GNA11: variants seen among roughly 807,000 people sequenced by gnomAD.
The protein encoded by GNA11 is guanine nucleotide-binding protein subunit alpha-11.
Under a neutral mutation model 38.2 loss-of-function variants are expected in GNA11, and 8 were observed. The ratio of observed to expected loss-of-function variants is 0.21; its 90% CI spans 0.12 to 0.38. The LOEUF is 0.38. Among genes scored for constraint, GNA11 ranks in the 10% least tolerant of loss-of-function variants. GNA11 has a pLI of 1.00. For synonymous variants in GNA11, 211 were observed against 221.4 expected (o/e 0.95, Z 0.42); for missense variants, 268 against 516.3 (o/e 0.52, Z 4.66).
intron 3 of GNA11, among the ~76,000 whole-genome samples, chr19:3,113,731 T>C (rs1913838544): frequency 6.6e-6 from 1 of 152,198 alleles, no homozygotes; most frequent in South Asian, 2.1e-4. Flanking sequence ...GCCCTGCCGC[T>C]GCCCTCCCTG....
In GNA11 at chr19:3,098,322, G is replaced by A. The variant is rs529304927; in HGVS notation, c.136+3535G>A. 3.3e-5 allele frequency among the ~76,000 whole-genome samples: 5 copies of A among 152,382 alleles called. No individual in the cohort carries two copies. In the South Asian group the frequency reaches 8.3e-4, roughly 25 times the overall value. On this transcript the variant is annotated intron_variant, in intron 1 of 6. Coordinates refer to ENST00000078429, the MANE Select transcript of GNA11 (RefSeq NM_002067.5). ...CCGCCGCCATCCTGGGGTCCGCCCT[G>A]TGGCCTGGAGAGCTCTTGCAGGCCC...
chr19:3,111,917 C>T (rs1215930843), intron 2 of GNA11, among the ~76,000 whole-genome samples: 2 of 152,250 alleles, frequency 1.3e-5, no homozygotes, highest in African/African-American at 4.8e-5. Context: ...CTTGCCCTGT[C>T]TCCCGCTGTG....
At chr19:3,111,071 G>A (rs917067609) in intron 2 of GNA11, among the ~76,000 whole-genome samples, 1 of 152,106 alleles carries the variant, frequency 6.6e-6, no homozygotes, top group Middle Eastern at 3.4e-3. Flanking sequence ...TGGGATTACA[G>A]GTATGAGCCA....
rs888975051 is a variant in GNA11 at position 3,102,795 on chromosome 19, G to T, written c.137-7354G>T. 2.6e-5 allele frequency among the ~76,000 whole-genome samples: 4 copies of T among 152,230 alleles called. No homozygotes were observed. The East Asian group carries it at 7.7e-4, about 29-fold the overall frequency. On this transcript the variant is annotated intron_variant, in intron 1 of 6. Transcript: ENST00000078429. ...CCTCGGGCCCCTGCGTCAGGTTGGT[G>T]CCTGGCTCTGACCCCACACCCACCA...
intron 4 of GNA11, chr19:3,118,012 T>C (rs1478314183): frequency 6.6e-6 from 1 of 152,200 alleles, no homozygotes; most frequent in Non-Finnish European, 1.5e-5. Context: ...CAGCTGCTGG[T>C]GCGGGCCCTC....
chr19:3,104,158 G>C (rs308051), intron 1 of GNA11, among the ~76,000 whole-genome samples: 133,508 of 152,342 alleles, frequency 0.88, 58,631 homozygotes, highest in African/African-American at 0.92. Flanking sequence ...AGCTCCTGCT[G>C]TCAGGGCTGC....
intron 1 of GNA11, among the ~76,000 whole-genome samples, chr19:3,107,975 G>A (rs576395749): frequency 2.6e-5 from 4 of 152,324 alleles, no homozygotes; most frequent in African/African-American, 9.6e-5. Context: ...TTGACCTTTT[G>A]TGGATGAGGT....
Position 3,098,901 on chromosome 19 carries a change from G to C in GNA11, c.136+4114G>C, listed in dbSNP as rs1177344457. On this transcript the variant is annotated intron_variant, in intron 1 of 6. Transcript: ENST00000078429. ...GCTCTCACGTCCTTTGTGTTTACAT[G>C]TAATCAGTTATGATGATTGTGGCTG... is the stretch of plus-strand genomic sequence containing the variant. 2.6e-5 allele frequency among the ~76,000 whole-genome samples: 4 copies of C among 152,218 alleles called. No homozygotes were observed. In the East Asian group the frequency reaches 7.7e-4, roughly 29 times the overall value.
chr19:3,099,950 C>T (rs939490976), intron 1 of GNA11, among the ~76,000 whole-genome samples: 4 of 151,876 alleles, frequency 2.6e-5, no homozygotes, highest in Non-Finnish European at 2.9e-5. Context: ...CCTCAGGGGG[C>T]GGTGGGGTGA....
rs1247287745 is a variant in GNA11 at position 3,119,562 on chromosome 19, G to T, written c.889+203G>T. On this transcript the variant is annotated intron_variant, in intron 6 of 6. Transcript: ENST00000078429. This position sits in a 1 kb window ranked among gnomAD's most constrained non-coding sequence, Gnocchi z 4.6. ...TACGGGAATGAGTTCTCCGACGCGG[G>T]TGTCTCATACCCGTGGGAGATCTGT... is the stretch of plus-strand genomic sequence containing the variant. 1.3e-5 allele frequency among the ~76,000 whole-genome samples: 2 copies of T among 149,888 alleles called. No homozygotes were observed. Among genetic ancestry groups the T allele is most frequent in the African/African-American group, 4.9e-5 (2 of 40,508 alleles).
chr19:3,110,058 G>A lies in GNA11; in HGVS notation c.137-91G>A, dbSNP rs1382735831. Reference sequence around the variant, plus strand: ...CGTGCCTTGGTTTCCTGTGCTGGGTGCTGCAGCACGGCAGGGTCTGGGTAA... The same window carrying A: ...CGTGCCTTGGTTTCCTGTGCTGGGTACTGCAGCACGGCAGGGTCTGGGTAA... On this transcript the variant is annotated intron_variant, in intron 1 of 6. Transcript: ENST00000078429. This position sits in a 1 kb window ranked among gnomAD's most constrained non-coding sequence, Gnocchi z 5.4. 4 of 1,032,070 alleles carry A rather than the reference G, an allele frequency of 3.9e-6. No homozygotes were observed. The Admixed American group carries it at 6.4e-5, about 17-fold the overall frequency. 63.9% of individuals were successfully genotyped at this position (1,032,070 alleles called of 1,614,324 possible).
At chr19:3,115,215 G>A in intron 4 of GNA11, 143 bp downstream of exon 4, 4 of 896,384 alleles carry the variant, frequency 4.5e-6, no homozygotes, top group Non-Finnish European at 7.0e-6. Context: ...ACCACCCTGG[G>A]CAACATAGCC....
chr19:3,098,260 G>A (rs1318754377), intron 1 of GNA11, among the ~76,000 whole-genome samples: 1 of 152,180 alleles, frequency 6.6e-6, no homozygotes, highest in Non-Finnish European at 1.5e-5. Flanking sequence ...CACGTACTGC[G>A]CACTTAGTGC....
rs543730209 is a variant in GNA11 at position 3,121,727 on chromosome 19, C to T, written c.*548C>T. 19 of 232,648 alleles carry T rather than the reference C, an allele frequency of 8.2e-5. No individual in the cohort carries two copies. Among genetic ancestry groups the T allele is most frequent in the African/African-American group, 3.7e-4 (17 of 45,404 alleles). The allele number at this position is 232,648 out of a possible 1,614,324, so 14.4% of individuals were successfully genotyped here. A position where few individuals can be genotyped will look rare whatever the true frequency, so the allele number is the denominator to read the frequency against. On this transcript the variant is annotated 3_prime_UTR_variant, in exon 7 of 7. Transcript: ENST00000078429. ...TTTTTCCCCTTTTTTAAGTTATTGA[C>T]GCCCAGCGCGCCTCGCCTCTTCACC...
At chr19:3,102,818 C>T (rs565850332) in intron 1 of GNA11, among the ~76,000 whole-genome samples, 1 of 152,268 alleles carries the variant, frequency 6.6e-6, no homozygotes, top group East Asian at 1.9e-4. Context: ...CCCACACCCA[C>T]CAGTACAGCT....
chr19:3,103,519 C>CGTTT lies in GNA11; in HGVS notation c.137-6630_137-6629insGTTT, dbSNP rs1370578226. 5.0e-4 allele frequency among the ~76,000 whole-genome samples: 23 copies of CGTTT among 45,814 alleles called. 2 individuals carry two copies. The highest frequency in any genetic ancestry group is 3.1e-3 in the South Asian group (3 of 968). 30.1% of individuals were successfully genotyped at this position (45,814 alleles called of 152,430 possible). ...TGAGCCACTGCGCCCGGCCTTGAAT[C>CGTTT]TTTTTTTTTTTTTTTTTTTTTTTTT... is the stretch of plus-strand genomic sequence containing the variant. On this transcript the variant is annotated intron_variant, in intron 1 of 6. Transcript: ENST00000078429.
At chr19:3,117,832 G>A (rs895520270) in intron 4 of GNA11, 2 of 152,314 alleles carry the variant, frequency 1.3e-5, no homozygotes, top group African/African-American at 4.8e-5. Context: ...GAAGGCCGGT[G>A]GGATCGTCCC....
chr19:3,107,466 C>G (rs529105273), intron 1 of GNA11, among the ~76,000 whole-genome samples: 1 of 152,298 alleles, frequency 6.6e-6, no homozygotes, highest in East Asian at 1.9e-4. Context: ...GCAGGGCCCT[C>G]CTCGCCTCCT....
intron 3 of GNA11, among the ~76,000 whole-genome samples, chr19:3,114,547 T>C (rs404632): frequency 0.79 from 120,328 of 151,960 alleles, 48,374 homozygotes; most frequent in Non-Finnish European, 0.86. Flanking sequence ...AATGATGCGC[T>C]TGTTTGTGAA....
Sources: allele counts gnomAD v4.1 joint callset (sites outside exome capture counted in the v4.1 genomes callset), GRCh38; gene constraint gnomAD v4.1.1; non-coding constraint Gnocchi (gnomAD v3.1); transcripts MANE v1.5; gene names NCBI Gene and HGNC (gene_info 2026-07-23, HGNC 2026-07-21).